RPS14: variants seen among roughly 807,000 people sequenced by gnomAD.
RPS14 encodes the protein small ribosomal subunit protein uS11.
A neutral mutation model predicts 15.4 loss-of-function variants in RPS14; 1 was observed. The observed-to-expected ratio is 0.07, with a 90% confidence interval of 0.02 to 0.31. RPS14 has a LOEUF of 0.31. RPS14 is among the 10% of genes least tolerant of loss of function. RPS14 has a pLI of 1.00. For missense variants in RPS14, 69 were observed against 205.5 expected (o/e 0.34, Z 4.06); for synonymous variants, 68 against 74.4 (o/e 0.91, Z 0.44).
chr5:150,446,176 T>C lies in RPS14; in HGVS notation c.312-491A>G, dbSNP rs1156987863. Among the ~76,000 whole-genome samples, 3 of 152,078 alleles carry C rather than the reference T, an allele frequency of 2.0e-5. No homozygotes were observed. Among genetic ancestry groups the C allele is most frequent in the African/African-American group, 7.2e-5 (3 of 41,396 alleles). The stretch of plus-strand genomic sequence containing the variant: ...GTTTGTTGTTATGTTCTGACCACTG[T>C]CTGGCTTGTTCACGCAACAGTCATC... On this transcript the variant is annotated intron_variant, in intron 3 of 4. Coordinates refer to ENST00000407193, the MANE Select transcript of RPS14 (RefSeq NM_005617.4). This position sits in a 1 kb window ranked among gnomAD's most constrained non-coding sequence, Gnocchi z 4.2.
chr5:150,445,083 G>T (rs1015765827), intron 4 of RPS14, among the ~76,000 whole-genome samples: 10 of 152,154 alleles, frequency 6.6e-5, no homozygotes, highest in African/African-American at 2.4e-4. Context: ...GGGCGTCAGT[G>T]TATGTCGCTA....
rs1394549980 is a variant in RPS14, at chr5:150,444,236, A to G, written c.*50T>C. 3 of 1,574,792 alleles carry G rather than the reference A, an allele frequency of 1.9e-6. No individual in the cohort carries two copies. In the Admixed American group the frequency reaches 5.2e-5, roughly 27 times the overall value. The stretch of plus-strand genomic sequence containing the variant: ...AAGGAGAGAAGGCTGGAGTTGAAAC[A>G]GTTTACATGAAGGCAATTTATTAAC... On this transcript the variant is annotated 3_prime_UTR_variant, in exon 5 of 5. Transcript: ENST00000407193.
rs1581277628 is a variant in RPS14, at chr5:150,447,243, G to A, written c.150-280C>T. The A allele has an allele frequency of 2.1e-5, 11 of 532,458 alleles. No individual in the cohort carries two copies. The East Asian group carries it at 2.9e-4, about 14-fold the overall frequency. The allele number at this position is 532,458 out of a possible 1,614,324, so 33.0% of individuals were successfully genotyped here. A position where few individuals can be genotyped will look rare whatever the true frequency, so the allele number is the denominator to read the frequency against. On this transcript the variant is annotated intron_variant, in intron 2 of 4. Transcript: ENST00000407193. ...ATGAGGAAACCAAAACTCAGAATCTGAGTGATTTCACACAAGTCACAACTT... is the reference window on the plus strand; with the variant it reads ...ATGAGGAAACCAAAACTCAGAATCTAAGTGATTTCACACAAGTCACAACTT...
chr5:150,445,060 G>A (rs181123128), intron 4 of RPS14, among the ~76,000 whole-genome samples: 7 of 152,296 alleles, frequency 4.6e-5, no homozygotes, highest in Admixed American at 1.3e-4. Flanking sequence ...GACACAGTAG[G>A]AACTTTGGCC....
At chr5:150,447,789 C>T (rs1771146896) in intron 1 of RPS14, 54 bp from the exon 2 acceptor site, 1 of 1,579,718 alleles carries the variant, frequency 6.3e-7, no homozygotes, top group South Asian at 1.1e-5. Flanking sequence ...TTCCAGAATC[C>T]CTTTCCCCTG....
At chr5:150,445,236 T>C (rs1242423491) in intron 4 of RPS14, among the ~76,000 whole-genome samples, 1 of 152,210 alleles carries the variant, frequency 6.6e-6, no homozygotes, top group Non-Finnish European at 1.5e-5. Context: ...ACGACTGGCA[T>C]GCCCAACTGA....
intron 4 of RPS14, among the ~76,000 whole-genome samples, chr5:150,445,242 A>G (rs958296810): frequency 1.3e-5 from 2 of 152,194 alleles, no homozygotes; most frequent in African/African-American, 4.8e-5. Context: ...GGCATGCCCA[A>G]CTGATATTTA....
chr5:150,445,737 G>A lies in RPS14; in HGVS notation c.312-52C>T, dbSNP rs758478492. 4 of 1,412,606 alleles carry A rather than the reference G, an allele frequency of 2.8e-6. No individual in the cohort carries two copies. The Admixed American group carries it at 5.8e-5, about 20-fold the overall frequency. 87.5% of individuals were successfully genotyped at this position (1,412,606 alleles called of 1,614,324 possible). On this transcript the variant is annotated intron_variant, in intron 3 of 4. Coordinates refer to ENST00000407193, the MANE Select transcript of RPS14 (RefSeq NM_005617.4). ...AGAGCCTTTGGCCAAGTCAATGGAA[G>A]ATCTCCTTTCTAAGATCCCAACACC...
intron 1 of RPS14, 76 bp downstream of exon 1, chr5:150,449,627 C>G (rs1484846559): frequency 6.6e-6 from 1 of 152,284 alleles, no homozygotes; most frequent in African/African-American, 2.4e-5. Flanking sequence ...CGGAAAGACC[C>G]CCGTCTCTCG....
chr5:150,442,667 CTCCAGACTTTAT>C lies in RPS14; in HGVS notation c.*1607_*1618del. ...CTACTAGCTTTATTCCAGACTTTAA[CTCCAGACTTTAT>C]TCATATTTTTTAATTTATTATTTAC... is the stretch of plus-strand genomic sequence containing the variant. On this transcript the variant is annotated 3_prime_UTR_variant, in exon 5 of 5. Transcript: ENST00000407193. 6.6e-6 allele frequency: 1 copy of C among 152,116 alleles called. No homozygotes were observed. Among genetic ancestry groups the C allele is most frequent in the South Asian group, 2.1e-4 (1 of 4,820 alleles). The allele number at this position is 152,116 out of a possible 1,614,324, so 9.4% of individuals were successfully genotyped here. A position where few individuals can be genotyped will look rare whatever the true frequency, so the allele number is the denominator to read the frequency against.
chr5:150,448,329 C>G (rs967771890), intron 1 of RPS14: 3 of 152,366 alleles, frequency 2.0e-5, no homozygotes, highest in African/African-American at 7.2e-5. Context: ...TAAAATATAT[C>G]CAAAAGGCAG....
At chr5:150,444,600 A>G (rs761185717) in intron 4 of RPS14, 4 of 665,454 alleles carry the variant, frequency 6.0e-6, no homozygotes, top group Non-Finnish European at 1.1e-5. Flanking sequence ...TGTCAGAGGC[A>G]CAGGACAAAT....
rs567349535 is a variant in RPS14 at position 150,444,196 on chromosome 5, G to C, written c.*90C>G. Reference sequence around the variant, plus strand: ...AATAGGAGGAAGAAATCAAATGCCTGAGTAGCCCCTGATGAAGGAGAGAAG... The same window carrying C: ...AATAGGAGGAAGAAATCAAATGCCTCAGTAGCCCCTGATGAAGGAGAGAAG... On this transcript the variant is annotated 3_prime_UTR_variant, in exon 5 of 5. Coordinates refer to ENST00000407193, the MANE Select transcript of RPS14 (RefSeq NM_005617.4). 1 of 1,514,316 alleles carries C rather than the reference G, an allele frequency of 6.6e-7. No individual in the cohort carries two copies. The highest frequency in any genetic ancestry group is 1.4e-5 in the African/African-American group (1 of 72,644). 93.8% of individuals were successfully genotyped at this position (1,514,316 alleles called of 1,614,324 possible).
chr5:150,447,864 A>G (rs1371791122), intron 1 of RPS14, 129 bp from the exon 2 acceptor site: 7 of 1,042,712 alleles, frequency 6.7e-6, no homozygotes, highest in Non-Finnish European at 9.8e-6. Flanking sequence ...ACTCTACTGT[A>G]TTCTCTCATT....
chr5:150,446,986 ATTTCTTCCTC>A lies in RPS14; in HGVS notation c.150-33_150-24del. On this transcript the variant is annotated intron_variant, in intron 2 of 4. Transcript: ENST00000407193. The surrounding 1 kb of genome is among the most constrained non-coding windows in gnomAD (Gnocchi z 4.2). Reference sequence around the variant, plus strand: ...TCCCTGGGGACAAAAGCACAGGGTCATTTCTTCCTCGTCCAACAAGGAGTGCTTACGATAT... The same window carrying A: ...TCCCTGGGGACAAAAGCACAGGGTCAGTCCAACAAGGAGTGCTTACGATAT... The A allele has an allele frequency of 3.7e-6, 6 of 1,613,350 alleles. No homozygotes were observed. Among genetic ancestry groups the A allele is most frequent in the Non-Finnish European group, 5.1e-6 (6 of 1,179,616 alleles).
At position 150,447,626 on chromosome 5, in the gene RPS14, G is replaced by C. The variant is rs112432829; in HGVS notation, c.108C>G (p.Ser36=). The change falls in exon 2 of 5, where the codon TCC becomes TCG. Residue 36 remains serine (S), a synonymous_variant. Coordinates refer to ENST00000407193, the MANE Select transcript of RPS14 (RefSeq NM_005617.4). ...NVFGVCHIFA[S]FNDTFVHVTD... is the part of the protein sequence containing the mutation. ...TGACATGGACAAAAGTGTCATTGAA[G>C]GATGCAAAGATATGGCAGACACCAA... 2.0e-3 allele frequency: 3,202 copies of C among 1,613,904 alleles called. 62 individuals carry two copies. In the African/African-American group the frequency reaches 0.036, roughly 18 times the overall value.
intron 4 of RPS14, among the ~76,000 whole-genome samples, chr5:150,444,915 G>T (rs1771047309): frequency 6.6e-6 from 1 of 151,952 alleles, no homozygotes; most frequent in Non-Finnish European, 1.5e-5. Context: ...CTCAGTAGAT[G>T]CAGGTGGGAG....
rs908027056 is a variant in RPS14, at chr5:150,442,899, T to C, written c.*1387A>G. 6.6e-6 allele frequency: 1 copy of C among 152,294 alleles called. No individual in the cohort carries two copies. Among genetic ancestry groups the C allele is most frequent in the African/African-American group, 2.4e-5 (1 of 41,416 alleles). The allele number at this position is 152,294 out of a possible 1,614,324, so 9.4% of individuals were successfully genotyped here. ...TTTTTGTAGAGACGGGGTCTCCCTG[T>C]GTTGCCCAGGCTGGTCTCAAACTCC... On this transcript the variant is annotated 3_prime_UTR_variant, in exon 5 of 5. Coordinates refer to ENST00000407193, the MANE Select transcript of RPS14 (RefSeq NM_005617.4).
Position 150,446,674 on chromosome 5 carries a change from A to T in RPS14, c.311+128T>A. On this transcript the variant is annotated intron_variant, in intron 3 of 4. Coordinates refer to ENST00000407193, the MANE Select transcript of RPS14 (RefSeq NM_005617.4). This position sits in a 1 kb window ranked among gnomAD's most constrained non-coding sequence, Gnocchi z 4.2. ...GGGGTGTACACAGGAGCCAATTATT[A>T]AGTATGTATATGCCTAAAATATCTT... The T allele has an allele frequency of 1.0e-6, 1 of 963,214 alleles. No homozygotes were observed. The highest frequency in any genetic ancestry group is 1.6e-6 in the Non-Finnish European group (1 of 637,122). 59.7% of individuals were successfully genotyped at this position (963,214 alleles called of 1,614,324 possible).
Sources: gnomAD v4.1 joint callset for allele counts (sites outside exome capture counted in the v4.1 genomes callset) on GRCh38, gnomAD v4.1.1 for gene constraint, Gnocchi (gnomAD v3.1) non-coding constraint, MANE v1.5 for transcripts, NCBI Gene and HGNC (gene_info 2026-07-23, HGNC 2026-07-21) for gene names.